Variants in CSMD1 observed in about 807,000 individuals in gnomAD.
The protein encoded by CSMD1 is CUB and sushi domain-containing protein 1.
Under a neutral mutation model 417.5 loss-of-function variants are expected in CSMD1, and 213 were observed. The observed-to-expected ratio is 0.51, with a 90% confidence interval of 0.46 to 0.57. The LOEUF is 0.57. Among genes scored for constraint, CSMD1 ranks in the 20% least tolerant of loss-of-function variants. The pLI is 0.00. For missense variants in CSMD1, 6,923 were observed against 4,529.7 expected, an observed-to-expected ratio of 1.53 and a Z score of -15.17; for synonymous variants, 2,862 against 1,736.8, an observed-to-expected ratio of 1.65 and a Z score of -16.11.
rs943277470 is a variant in CSMD1 at position 2,970,617 on chromosome 8, C to T, written c.8923+2500G>A. On this transcript the variant is annotated intron_variant, in intron 57 of 69. Transcript: ENST00000635120. ...TTTTAAATTTCAATTAAAATACTGC[C>T]GATGAGTGATCTTTCAGCCTCTCTG... Among the ~76,000 whole-genome samples the T allele has an allele frequency of 4.6e-5, 7 of 151,858 alleles. No homozygotes were observed. The South Asian group carries it at 6.2e-4, about 14-fold the overall frequency.
At chr8:4,247,620 G>C (rs1771040723) in intron 3 of CSMD1, among the ~76,000 whole-genome samples, 1 of 152,148 alleles carries the variant, frequency 6.6e-6, no homozygotes, top group African/African-American at 2.4e-5. Flanking sequence ...AAGGAGAAGA[G>C]CAGAGGTAGA....
intron 8 of CSMD1, among the ~76,000 whole-genome samples, chr8:3,590,719 C>A (rs576703680): frequency 6.9e-4 from 105 of 152,262 alleles, no homozygotes; most frequent in African/African-American, 2.5e-3. Flanking sequence ...AGCTGGCAAA[C>A]AGAGCCAATG....
intron 17 of CSMD1, among the ~76,000 whole-genome samples, chr8:3,389,769 A>T (rs1461533059): frequency 6.6e-6 from 1 of 152,230 alleles, no homozygotes; most frequent in African/African-American, 2.4e-5. Context: ...CATCGAATTA[A>T]AATGTTGAAT....
intron 1 of CSMD1, among the ~76,000 whole-genome samples, chr8:4,960,507 G>C (rs943200942): frequency 6.6e-6 from 1 of 152,114 alleles, no homozygotes; most frequent in African/African-American, 2.4e-5. Context: ...GATTCTTCAA[G>C]GAACAAGATA....
chr8:3,585,900 G>A (rs1397941650), intron 9 of CSMD1, among the ~76,000 whole-genome samples: 1 of 152,060 alleles, frequency 6.6e-6, no homozygotes, highest in Non-Finnish European at 1.5e-5. Context: ...AGTATGTGTG[G>A]ATTTGCTCAC....
intron 4 of CSMD1, among the ~76,000 whole-genome samples, chr8:4,030,752 G>A (rs1353782196): frequency 6.6e-6 from 1 of 152,198 alleles, no homozygotes. Context: ...CTATCACATT[G>A]TCAGACTGCA....
chr8:3,734,732 T>C (rs994275762), intron 6 of CSMD1, among the ~76,000 whole-genome samples: 31 of 152,114 alleles, frequency 2.0e-4, no homozygotes, highest in African/African-American at 7.2e-4. Context: ...TAAAATGAAA[T>C]ACAGAAACTC....
intron 9 of CSMD1, among the ~76,000 whole-genome samples, chr8:3,584,293 G>C (rs923994952): frequency 6.6e-6 from 1 of 152,106 alleles, no homozygotes; most frequent in Non-Finnish European, 1.5e-5. Context: ...GAGTCTTGGC[G>C]ATTACTAGTA....
At chr8:4,109,374 G>A (rs556431800) in intron 3 of CSMD1, among the ~76,000 whole-genome samples, 5 of 152,138 alleles carry the variant, frequency 3.3e-5, no homozygotes, top group South Asian at 2.1e-4. Flanking sequence ...GATTTACTGG[G>A]CATATAATAT....
intron 50 of CSMD1, among the ~76,000 whole-genome samples, chr8:3,050,110 A>AG (rs1157505629): frequency 3.9e-4 from 59 of 151,904 alleles, no homozygotes; most frequent in African/African-American, 1.3e-3. Flanking sequence ...GAACTTAAAA[A>AG]AAAAAAAAAA....
intron 3 of CSMD1, among the ~76,000 whole-genome samples, chr8:4,058,116 A>C (rs1798792380): frequency 6.6e-6 from 1 of 152,096 alleles, no homozygotes; most frequent in Admixed American, 6.6e-5. Flanking sequence ...TCTATAAATT[A>C]CCTTGGGCAG....
intron 1 of CSMD1, among the ~76,000 whole-genome samples, chr8:4,842,984 T>A (rs1459858928): frequency 6.6e-6 from 1 of 152,216 alleles, no homozygotes; most frequent in African/African-American, 2.4e-5. Flanking sequence ...GTTCAGAGCT[T>A]GTTGAATAGT....
rs115539527 is a variant in CSMD1, at chr8:3,811,570, C to T, written c.819-57528G>A. Among the ~76,000 whole-genome samples the T allele has an allele frequency of 3.6e-3, 546 of 152,216 alleles. 3 individuals carry two copies. Among genetic ancestry groups the T allele is most frequent in the African/African-American group, 0.012 (503 of 41,520 alleles). Reference sequence around the variant, plus strand: ...TTCTCTGCACGCCTGACCACATCCTCGGTCAAGGCCATCATGGGACAACCA... The same window carrying T: ...TTCTCTGCACGCCTGACCACATCCTTGGTCAAGGCCATCATGGGACAACCA... On this transcript the variant is annotated intron_variant, in intron 5 of 69. Coordinates refer to ENST00000635120, the MANE Select transcript of CSMD1 (RefSeq NM_033225.6).
intron 29 of CSMD1, among the ~76,000 whole-genome samples, chr8:3,217,591 T>C (rs1415434192): frequency 6.6e-6 from 1 of 152,222 alleles, no homozygotes; most frequent in African/African-American, 2.4e-5. Flanking sequence ...TGCATTTTAG[T>C]GAATTCTTGT....
At chr8:3,165,372 T>C (rs1041114794) in intron 37 of CSMD1, among the ~76,000 whole-genome samples, 5 of 152,234 alleles carry the variant, frequency 3.3e-5, no homozygotes, top group African/African-American at 1.2e-4. Context: ...CTTGCAACAC[T>C]AGGAGTAATT....
intron 3 of CSMD1, among the ~76,000 whole-genome samples, chr8:4,053,312 A>T (rs1313380953): frequency 1.3e-5 from 2 of 152,212 alleles, no homozygotes; most frequent in Non-Finnish European, 2.9e-5. Context: ...CGAATGCATG[A>T]GAATAATAAA....
intron 5 of CSMD1, among the ~76,000 whole-genome samples, chr8:3,890,583 T>C (rs946001571): frequency 6.6e-6 from 1 of 152,152 alleles, no homozygotes. Context: ...AAGGTTTTTA[T>C]GCCGATTTCA....
chr8:4,976,667 T>C (rs988251589), intron 1 of CSMD1, among the ~76,000 whole-genome samples: 15 of 152,326 alleles, frequency 9.8e-5, no homozygotes, highest in African/African-American at 3.6e-4. Context: ...CTAAATAGGA[T>C]GAGAAGGTAT....
At chr8:4,718,720 A>C (rs931395464) in intron 1 of CSMD1, among the ~76,000 whole-genome samples, 1 of 152,110 alleles carries the variant, frequency 6.6e-6, no homozygotes, top group Non-Finnish European at 1.5e-5. Context: ...ATCATAAAAG[A>C]CTAGTTTTTC....
Sources: allele counts gnomAD v4.1 joint callset (sites outside exome capture counted in the v4.1 genomes callset), GRCh38; gene constraint gnomAD v4.1.1; transcripts MANE v1.5; gene names NCBI Gene and HGNC (gene_info 2026-07-23, HGNC 2026-07-21).